The following AGR3 variants were observed in gnomAD, a reference collection of about 807,000 sequenced individuals.
The protein encoded by AGR3 is anterior gradient 3, protein disulphide isomerase family member.
Under a neutral mutation model 24.5 loss-of-function variants are expected in AGR3, and 37 were observed. The ratio of observed to expected loss-of-function variants is 1.51; its 90% CI spans 1.16 to 1.99. The LOEUF (loss-of-function observed/expected upper bound fraction) is 1.99, where lower values mean the gene tolerates loss of function less well. AGR3 is among the 30% of genes most tolerant of loss of function. AGR3 has a pLI of 0.00. For missense variants in AGR3, 228 were observed against 191.1 expected (o/e 1.19, Z -1.14); for synonymous variants, 75 against 61.6 (o/e 1.22, Z -1.02).
chr7:16,871,658 C>T (rs994110066), intron 3 of AGR3, among the ~76,000 whole-genome samples: 4 of 152,108 alleles, frequency 2.6e-5, no homozygotes, highest in East Asian at 3.9e-4. Context: ...GCCTGGCCAA[C>T]ATGGTGAAAC....
chr7:16,870,807 T>A (rs1289891733), intron 3 of AGR3, among the ~76,000 whole-genome samples: 1 of 152,152 alleles, frequency 6.6e-6, no homozygotes, highest in East Asian at 1.9e-4. Flanking sequence ...ATGTTGTTTG[T>A]TTGTTACACC....
At chr7:16,872,450 A>G (rs960052088) in intron 3 of AGR3, among the ~76,000 whole-genome samples, 1 of 152,212 alleles carries the variant, frequency 6.6e-6, no homozygotes, top group African/African-American at 2.4e-5. Context: ...ATATGCAGAA[A>G]TCAATTCAAA....
At chr7:16,864,266 ATG>A (rs1781706254) in intron 3 of AGR3, 2 of 1,330,706 alleles carry the variant, frequency 1.5e-6, no homozygotes, top group Non-Finnish European at 2.1e-6. Context: ...GCTGGCTTCT[ATG>A]TCCCATCACT....
intron 2 of AGR3, among the ~76,000 whole-genome samples, chr7:16,874,136 G>A (rs936066360): frequency 6.6e-6 from 1 of 152,180 alleles, no homozygotes; most frequent in Non-Finnish European, 1.5e-5. Flanking sequence ...GACATCTTTG[G>A]ATAATGTAAA....
rs1212589928 is a variant in AGR3 at position 16,861,871 on chromosome 7, A to C, written c.303+113T>G. ...AGCCCAGATTACGCCACTGCACTCC[A>C]GCCTGGGTGACAGAGCGAGACTCTG... On this transcript the variant is annotated intron_variant, in intron 5 of 7. Coordinates refer to ENST00000310398, the MANE Select transcript of AGR3 (RefSeq NM_176813.5). 4.1e-6 allele frequency: 4 copies of C among 971,596 alleles called. No homozygotes were observed. The African/African-American group carries it at 6.8e-5, about 16-fold the overall frequency. 60.2% of individuals were successfully genotyped at this position (971,596 alleles called of 1,614,324 possible).
chr7:16,855,761 T>C (rs77167526), downstream of AGR3, among the ~76,000 whole-genome samples: 1,910 of 152,318 alleles, frequency 0.013, 39 homozygotes, highest in African/African-American at 0.043. Context: ...AAGTACTACT[T>C]GTAAACTCAA....
chr7:16,865,551 G>A, intron 3 of AGR3: 1 of 689,012 alleles, frequency 1.5e-6, no homozygotes. Flanking sequence ...AAATATAAAA[G>A]GATATCGACC....
chr7:16,864,837 C>A (rs1440017568), intron 3 of AGR3: 13 of 882,514 alleles, frequency 1.5e-5, no homozygotes, highest in Non-Finnish European at 2.0e-5. Context: ...TCCTATATTT[C>A]CTGAGTAAAG....
At chr7:16,865,374 C>G in intron 3 of AGR3, 1 of 1,131,080 alleles carries the variant, frequency 8.8e-7, no homozygotes, top group Admixed American at 1.8e-5. Context: ...AGTAATTTTT[C>G]CTCCATTCTT....
chr7:16,865,351 T>C, intron 3 of AGR3: 1 of 1,140,552 alleles, frequency 8.8e-7, no homozygotes, highest in Non-Finnish European at 1.3e-6. Flanking sequence ...TCTAGAGAAG[T>C]TTTGTCAGGG....
chr7:16,865,708 T>C (rs1781746319), intron 3 of AGR3: 2 of 775,172 alleles, frequency 2.6e-6, no homozygotes, highest in South Asian at 1.3e-5. Context: ...TTGCTCTTAG[T>C]AGAAACTCTT....
At chr7:16,861,682 C>G (rs1028639601) in intron 5 of AGR3, among the ~76,000 whole-genome samples, 1 of 151,972 alleles carries the variant, frequency 6.6e-6, no homozygotes, top group Non-Finnish European at 1.5e-5. Flanking sequence ...GGGTGGATCA[C>G]CTGAGGTCAG....
chr7:16,862,725 G>T, intron 3 of AGR3, 63 bp from the exon 4 acceptor site: 1 of 1,179,752 alleles, frequency 8.5e-7, no homozygotes, highest in Non-Finnish European at 1.2e-6. Context: ...ATACAGTAGA[G>T]TTAGATTTAA....
chr7:16,866,335 A>T, intron 3 of AGR3: 1 of 508,890 alleles, frequency 2.0e-6, no homozygotes, highest in South Asian at 1.6e-5. Flanking sequence ...TCCCATCCAT[A>T]GTATAGGACC....
At chr7:16,876,818 T>C (rs1050167533) in intron 2 of AGR3, among the ~76,000 whole-genome samples, 1 of 152,222 alleles carries the variant, frequency 6.6e-6, no homozygotes, top group African/African-American at 2.4e-5. Context: ...AACAAGAGTT[T>C]TAAATAAATA....
chr7:16,874,784 A>T (rs928598072), intron 2 of AGR3, among the ~76,000 whole-genome samples: 1 of 152,122 alleles, frequency 6.6e-6, no homozygotes, highest in Non-Finnish European at 1.5e-5. Flanking sequence ...AGCTTTATTG[A>T]AATAAAATTC....
At chr7:16,870,425 G>A (rs1013560325) in intron 3 of AGR3, among the ~76,000 whole-genome samples, 3 of 151,834 alleles carry the variant, frequency 2.0e-5, no homozygotes, top group Non-Finnish European at 2.9e-5. Context: ...AAAAATGTTA[G>A]TAATTGTTGT....
At chr7:16,867,084 A>G (rs1295367006) in intron 3 of AGR3, among the ~76,000 whole-genome samples, 6 of 152,158 alleles carry the variant, frequency 3.9e-5, no homozygotes, top group African/African-American at 7.2e-5. Flanking sequence ...TTGCCTCACT[A>G]TAATCTTGGC....
intron 3 of AGR3, among the ~76,000 whole-genome samples, chr7:16,872,409 G>C (rs1329636431): frequency 6.6e-6 from 1 of 152,168 alleles, no homozygotes; most frequent in Non-Finnish European, 1.5e-5. Flanking sequence ...TCCATATGTA[G>C]AAGAATGAAA....
Sources: allele counts gnomAD v4.1 joint callset (sites outside exome capture counted in the v4.1 genomes callset), GRCh38; gene constraint gnomAD v4.1.1; transcripts MANE v1.5; gene names NCBI Gene and HGNC (gene_info 2026-07-23, HGNC 2026-07-21).